Variants in GRID1 observed in about 807,000 individuals in gnomAD.
GRID1 encodes the protein glutamate receptor ionotropic, delta-1.
A neutral mutation model predicts 98.0 loss-of-function variants in GRID1; 28 were observed. The ratio of observed to expected loss-of-function variants is 0.29; its 90% confidence interval spans 0.21 to 0.39. The LOEUF is 0.39. GRID1 is among the 10% of genes least tolerant of loss of function. The probability of loss-of-function intolerance (pLI) is 1.00; values close to 1 mark genes in which losing one functional copy is unlikely to be tolerated. For synonymous variants in GRID1, 553 were observed against 538.5 expected, an observed-to-expected ratio of 1.03 and a Z score of -0.37; for missense variants, 1,111 against 1,340.5, an observed-to-expected ratio of 0.83 and a Z score of 2.67.
intron 4 of GRID1, among the ~76,000 whole-genome samples, chr10:85,959,319 T>G (rs1396283459): frequency 1.3e-5 from 2 of 152,214 alleles, no homozygotes; most frequent in Non-Finnish European, 2.9e-5. Context: ...TCTGGGAAAC[T>G]TTGGCCCTCT....
In GRID1 at chr10:85,613,448, A is replaced by G. The variant is rs1277856002; in HGVS notation, c.2560T>C (p.Trp854Arg). 22 of 1,613,700 alleles carry G rather than the reference A, an allele frequency of 1.4e-5. No homozygotes were observed. The Admixed American group carries it at 2.5e-4, about 18-fold the overall frequency. The change falls in exon 15 of 16, where the codon TGG becomes CGG. Residue 854 changes from tryptophan (W) to arginine (R), a missense_variant. Physicochemically the swap from Trp to Arg is moderately radical, Grantham distance 101. Around this residue, in one of 3 missense-constraint regions of GRID1, gnomAD observed 762 missense variants for 869.1 expected, o/e 0.88. Transcript: ENST00000327946. The part of the protein sequence containing the change: ...LACLVAALEL[W>R]WNSNRCHQET... ...TGGTGGCACCGGTTGCTGTTCCACC[A>G]CAACTCCAGGGCAGCCACCAGGCAG...
intron 8 of GRID1, among the ~76,000 whole-genome samples, chr10:85,784,319 C>T (rs1445763083): frequency 6.6e-6 from 1 of 152,198 alleles, no homozygotes; most frequent in African/African-American, 2.4e-5. Flanking sequence ...CCCATAAACA[C>T]TCCACAGCAT....
intron 6 of GRID1, among the ~76,000 whole-genome samples, chr10:85,868,230 A>G (rs1385613457): frequency 6.6e-6 from 1 of 152,194 alleles, no homozygotes; most frequent in Non-Finnish European, 1.5e-5. Flanking sequence ...TGGTGCTCTC[A>G]CTAAGCATCA....
intron 5 of GRID1, among the ~76,000 whole-genome samples, chr10:85,905,717 T>G (rs1165162864): frequency 6.6e-6 from 1 of 152,112 alleles, no homozygotes; most frequent in African/African-American, 2.4e-5. Context: ...TAAAGATGTA[T>G]ACTATAAATC....
At chr10:85,689,323 G>T (rs1841307001) in intron 12 of GRID1, among the ~76,000 whole-genome samples, 1 of 152,072 alleles carries the variant, frequency 6.6e-6, no homozygotes, top group South Asian at 2.1e-4. Context: ...AGAATGAATT[G>T]CAAGGGAAAA....
intron 2 of GRID1, among the ~76,000 whole-genome samples, chr10:86,291,791 A>G (rs1311811549): frequency 6.6e-6 from 1 of 152,198 alleles, no homozygotes; most frequent in Non-Finnish European, 1.5e-5. Context: ...TGCTAGCACC[A>G]TGCCCTGAGC....
At chr10:86,232,054 A>G (rs78533622) in intron 2 of GRID1, among the ~76,000 whole-genome samples, 11 of 152,252 alleles carry the variant, frequency 7.2e-5, no homozygotes, top group Non-Finnish European at 1.3e-4. Flanking sequence ...GCACTTGGGT[A>G]TAAGAGAGGA....
chr10:85,904,128 G>A (rs961728088), intron 5 of GRID1, among the ~76,000 whole-genome samples: 1 of 152,164 alleles, frequency 6.6e-6, no homozygotes, highest in African/African-American at 2.4e-5. Context: ...ACAATACCAG[G>A]AGTTTTCTGA....
chr10:85,954,721 T>G (rs1223598562), intron 4 of GRID1, among the ~76,000 whole-genome samples: 6 of 152,206 alleles, frequency 3.9e-5, no homozygotes, highest in Non-Finnish European at 7.3e-5. Flanking sequence ...CCTTCCGAAC[T>G]GGCAGAACTG....
At chr10:86,112,595 G>GGCCGAGCA (rs1197160475) in intron 4 of GRID1, among the ~76,000 whole-genome samples, 1 of 150,744 alleles carries the variant, frequency 6.6e-6, no homozygotes, top group Non-Finnish European at 1.5e-5. Flanking sequence ...TGACAACTGC[G>GGCCGAGCA]GCCGAGCAGG....
Position 85,829,405 on chromosome 10 carries a change from C to A in GRID1, c.1233+25091G>T, listed in dbSNP as rs544112869. Among the ~76,000 whole-genome samples the A allele has an allele frequency of 9.2e-5, 14 of 152,234 alleles. 1 individual carries two copies. In the South Asian group the frequency reaches 2.9e-3, roughly 32 times the overall value. ...AGAACCAAAACAAGACAAGGATGCC[C>A]ATTATCATGACTCCTATTCAACACA... On this transcript the variant is annotated intron_variant, in intron 8 of 15. Coordinates refer to ENST00000327946, the MANE Select transcript of GRID1 (RefSeq NM_017551.3).
intron 2 of GRID1, among the ~76,000 whole-genome samples, chr10:86,292,790 G>C (rs564411721): frequency 2.5e-4 from 38 of 152,182 alleles, no homozygotes; most frequent in Admixed American, 2.2e-3. Context: ...GTGTGTGTAT[G>C]CAAGTGTGGG....
At chr10:85,996,801 C>T (rs935496479) in intron 4 of GRID1, among the ~76,000 whole-genome samples, 1 of 138,674 alleles carries the variant, frequency 7.2e-6, no homozygotes, top group African/African-American at 2.7e-5. Context: ...TGCACTTCAG[C>T]ATGGGCGACA....
rs66947723 is a variant in GRID1, at chr10:85,737,645, G to GATATATATATATATAT, written c.1234-8047_1234-8032dup. On this transcript the variant is annotated intron_variant, in intron 8 of 15. Transcript: ENST00000327946. ...TTGAACAACAACAACAGTAAAGCCA[G>GATATATATATATATAT]ATATATATATATATATATATATATA... Among the ~76,000 whole-genome samples the GATATATATATATATAT allele has an allele frequency of 1.9e-4, 18 of 95,680 alleles. 1 individual carries two copies. The highest frequency in any genetic ancestry group is 7.4e-4 in the South Asian group (2 of 2,714). The allele number at this position is 95,680 out of a possible 152,430, so 62.8% of individuals were successfully genotyped here. A position where few individuals can be genotyped will look rare whatever the true frequency, so the allele number is the denominator to read the frequency against.
At chr10:86,010,060 C>T (rs1250563936) in intron 4 of GRID1, among the ~76,000 whole-genome samples, 1 of 152,222 alleles carries the variant, frequency 6.6e-6, no homozygotes, top group African/African-American at 2.4e-5. Flanking sequence ...AACTCTCAAA[C>T]ACCCATGAAA....
chr10:86,051,549 A>G (rs1262858999), intron 4 of GRID1, among the ~76,000 whole-genome samples: 1 of 152,156 alleles, frequency 6.6e-6, no homozygotes, highest in Non-Finnish European at 1.5e-5. Flanking sequence ...CTGGTTCAAT[A>G]TTTTCAACAC....
intron 8 of GRID1, among the ~76,000 whole-genome samples, chr10:85,814,581 C>T (rs1199914294): frequency 2.0e-5 from 3 of 151,840 alleles, no homozygotes; most frequent in African/African-American, 4.8e-5. Flanking sequence ...ATAACACAAA[C>T]TACTAACATC....
At chr10:85,722,625 C>T (rs561864142) in intron 12 of GRID1, among the ~76,000 whole-genome samples, 13 of 151,346 alleles carry the variant, frequency 8.6e-5, no homozygotes, top group Admixed American at 3.3e-4. Context: ...TTAAGGTGTT[C>T]GAAGATTGAA....
intron 5 of GRID1, among the ~76,000 whole-genome samples, chr10:85,879,746 G>C (rs535839064): frequency 6.6e-6 from 1 of 152,270 alleles, no homozygotes; most frequent in South Asian, 2.1e-4. Flanking sequence ...TCAAAAGCTA[G>C]CAGAAGGCAA....
Sources: gnomAD v4.1 joint callset for allele counts (sites outside exome capture counted in the v4.1 genomes callset) on GRCh38, gnomAD v4.1.1 for gene constraint, gnomAD v4.1.1 regional missense constraint, MANE v1.5 for transcripts, NCBI Gene and HGNC (gene_info 2026-07-23, HGNC 2026-07-21) for gene names.